The following MTRR variants were observed in gnomAD, a reference collection of about 807,000 sequenced individuals.
MTRR encodes methionine synthase reductase.
A neutral mutation model predicts 79.2 loss-of-function variants in MTRR; 63 were observed. The observed-to-expected ratio is 0.80, with a 90% CI of 0.65 to 0.98. The LOEUF is 0.98. Ranked by LOEUF, MTRR falls within the 50% of genes least tolerant of loss-of-function variation. MTRR has a pLI of 0.00. For missense variants in MTRR, 895 were observed against 839.6 expected (o/e 1.07, Z -0.82); for synonymous variants, 355 against 313.3 (o/e 1.13, Z -1.41).
intron 4 of MTRR, 132 bp downstream of exon 4, chr5:7,875,507 T>G: frequency 3.4e-6 from 3 of 871,098 alleles, no homozygotes; most frequent in Non-Finnish European, 5.8e-6. Flanking sequence ...TTTTTTAGCT[T>G]TAGGATCCAA....
Position 7,886,689 on chromosome 5 carries a change from G to A in MTRR, c.1132G>A (p.Ala378Thr), listed in dbSNP as rs1393029352. The A allele has an allele frequency of 1.9e-6, 3 of 1,612,054 alleles. No individual in the cohort carries two copies. The highest frequency in any genetic ancestry group is 2.5e-6 in the Non-Finnish European group (3 of 1,178,290). Residue 378 changes from alanine (A) to threonine (T), a missense_variant, in exon 8 of 15, where the codon GCA becomes ACA. Coordinates refer to ENST00000440940, the MANE Select transcript of MTRR (RefSeq NM_002454.3). Reference protein sequence around the residue: ...FIFTWCLEIRAIPKKAFLRAL... With the variant: ...FIFTWCLEIRTIPKKAFLRAL... ...TTTTACCTGGTGTCTTGAAATCCGAGCAATTCCTAAAAAGGTATTTTTTTC... is the reference window on the plus strand; with the variant it reads ...TTTTACCTGGTGTCTTGAAATCCGAACAATTCCTAAAAAGGTATTTTTTTC...
intron 8 of MTRR, among the ~76,000 whole-genome samples, chr5:7,888,489 C>T (rs1421353075): frequency 6.6e-6 from 1 of 152,146 alleles, no homozygotes; most frequent in South Asian, 2.1e-4. Flanking sequence ...TTTCCTGAGT[C>T]GTTGTTTTTG....
At chr5:7,867,047 T>C, upstream of MTRR, 1 of 1,614,184 alleles carries the variant, frequency 6.2e-7, no homozygotes, top group South Asian at 1.1e-5. Flanking sequence ...TGTGTCATGG[T>C]GCCCAAAATA....
intron 5 of MTRR, among the ~76,000 whole-genome samples, chr5:7,879,428 A>G (rs545429361): frequency 7.2e-6 from 1 of 138,564 alleles, no homozygotes; most frequent in Non-Finnish European, 1.5e-5. Context: ...GCGCCACTGC[A>G]CTCCAGCCTG....
rs145521813 is a variant in MTRR at position 7,886,584 on chromosome 5, A to T, written c.1058-31A>T. On this transcript the variant is annotated intron_variant, in intron 7 of 14. Coordinates refer to ENST00000440940, the MANE Select transcript of MTRR (RefSeq NM_002454.3). Reference sequence around the variant, plus strand: ...CATTTTATTCTTCATCTTCTATGTCATGAACCCCTTTCCCGTCTTTACCTG... The same window carrying T: ...CATTTTATTCTTCATCTTCTATGTCTTGAACCCCTTTCCCGTCTTTACCTG... 129 of 1,493,408 alleles carry T rather than the reference A, an allele frequency of 8.6e-5. 1 individual carries two copies. In the African/African-American group the frequency reaches 1.6e-3, roughly 19 times the overall value. 92.5% of individuals were successfully genotyped at this position (1,493,408 alleles called of 1,614,324 possible).
intron 1 of MTRR, chr5:7,861,006 T>G (rs1265218191): frequency 1.8e-6 from 1 of 558,860 alleles, no homozygotes; most frequent in African/African-American, 1.9e-5. Flanking sequence ...TCGAGTTTTG[T>G]GCTGTCCAGT....
chr5:7,880,323 AT>A, intron 5 of MTRR, among the ~76,000 whole-genome samples: 1 of 152,344 alleles, frequency 6.6e-6, no homozygotes, highest in Admixed American at 6.5e-5. Flanking sequence ...AAATTTATAC[AT>A]TGTTCCAGCG....
intron 14 of MTRR, among the ~76,000 whole-genome samples, chr5:7,899,423 G>A (rs1039259246): frequency 6.6e-6 from 1 of 152,206 alleles, no homozygotes; most frequent in Non-Finnish European, 1.5e-5. Context: ...GAAGAGTTAA[G>A]ATGTAGAAGC....
intron 5 of MTRR, among the ~76,000 whole-genome samples, chr5:7,879,485 A>AT (rs70940765): frequency 1.4e-5 from 2 of 143,468 alleles, no homozygotes; most frequent in East Asian, 4.1e-4. Context: ...AAAAAAAAAA[A>AT]GTTTCTGGGT....
chr5:7,879,606 T>C (rs948180307), intron 5 of MTRR, among the ~76,000 whole-genome samples: 2 of 151,826 alleles, frequency 1.3e-5, no homozygotes, highest in Non-Finnish European at 2.9e-5. Flanking sequence ...TGAAATAATA[T>C]ACTGAGAGAG....
chr5:7,874,716 GGAGTCA>G (rs1413319222), intron 3 of MTRR, among the ~76,000 whole-genome samples: 1 of 150,612 alleles, frequency 6.6e-6, no homozygotes, highest in African/African-American at 2.4e-5. Context: ...TTCTATATCA[GGAGTCA>G]GTAAACTCTA....
upstream of MTRR, chr5:7,868,100 T>C (rs775789121): frequency 6.5e-7 from 1 of 1,536,594 alleles, no homozygotes; most frequent in Admixed American, 2.1e-5. Flanking sequence ...AGATTCTCAA[T>C]TTGATAACTA....
At chr5:7,880,469 G>T (rs984578843) in intron 5 of MTRR, among the ~76,000 whole-genome samples, 5 of 152,190 alleles carry the variant, frequency 3.3e-5, no homozygotes, top group African/African-American at 1.2e-4. Flanking sequence ...GGTTACAGTG[G>T]ACCTGTTTCT....
intron 1 of MTRR, chr5:7,859,082 A>C (rs1281396045): frequency 6.4e-6 from 1 of 155,294 alleles, no homozygotes; most frequent in Non-Finnish European, 1.4e-5. Context: ...AAAGAGAAAA[A>C]ATTTCCTCCA....
upstream of MTRR, chr5:7,867,364 TATA>T (rs559182247): frequency 0.017 from 27,019 of 1,614,186 alleles, 268 homozygotes; most frequent in South Asian, 0.023. Context: ...GAAGTTGATT[TATA>T]ATGAGTTCTA....
At chr5:7,865,400 A>G (rs1746871426), upstream of MTRR, among the ~76,000 whole-genome samples, 1 of 152,198 alleles carries the variant, frequency 6.6e-6, no homozygotes, top group Non-Finnish European at 1.5e-5. Flanking sequence ...GATTCTACAT[A>G]AGGAATGTGA....
chr5:7,861,537 G>A (rs759539946), intron 1 of MTRR: 4 of 1,345,366 alleles, frequency 3.0e-6, no homozygotes, highest in Non-Finnish European at 4.0e-6. Context: ...CTGCTTATTA[G>A]CCTCAACGAG....
At chr5:7,854,533 A>G (rs1391965016) in intron 1 of MTRR, among the ~76,000 whole-genome samples, 9 of 152,262 alleles carry the variant, frequency 5.9e-5, no homozygotes, top group East Asian at 3.9e-4. Context: ...GAATCATGGC[A>G]GGAGATGAAA....
intron 1 of MTRR, among the ~76,000 whole-genome samples, chr5:7,859,965 CA>C (rs1222031298): frequency 1.3e-5 from 2 of 151,982 alleles, no homozygotes; most frequent in Non-Finnish European, 2.9e-5. Flanking sequence ...GAGGACGCAG[CA>C]GGGACAAAGA....
Sources: allele counts gnomAD v4.1 joint callset (sites outside exome capture counted in the v4.1 genomes callset), GRCh38; gene constraint gnomAD v4.1.1; transcripts MANE v1.5; gene names NCBI Gene and HGNC (gene_info 2026-07-23, HGNC 2026-07-21).